Variants in FAF1 observed in about 807,000 individuals in gnomAD.
The protein encoded by FAF1 is Fas associated factor 1.
FAF1 carries 25 observed loss-of-function variants against 92.5 expected under a neutral mutation model. That is an observed-to-expected ratio of 0.27 (90% confidence interval 0.20 to 0.38). The LOEUF is 0.38. FAF1 is among the 10% of genes least tolerant of loss of function. The pLI is 1.00. For missense variants in FAF1, 636 were observed against 793.3 expected (o/e 0.80, Z 2.38); for synonymous variants, 234 against 273.2 (o/e 0.86, Z 1.42).
chr1:50,909,127 C>A (rs1012381069), intron 1 of FAF1, among the ~76,000 whole-genome samples: 3 of 152,156 alleles, frequency 2.0e-5, no homozygotes, highest in Non-Finnish European at 4.4e-5. Context: ...TTCTCCTACA[C>A]TTATGAAGCT....
At chr1:50,631,943 G>T (rs780501589) in intron 8 of FAF1, among the ~76,000 whole-genome samples, 1 of 152,134 alleles carries the variant, frequency 6.6e-6, no homozygotes, top group African/African-American at 2.4e-5. Context: ...TATTATTGTT[G>T]CAAATTTCTT....
chr1:50,692,090 C>A (rs1226004626), intron 7 of FAF1, among the ~76,000 whole-genome samples: 1 of 152,050 alleles, frequency 6.6e-6, no homozygotes, highest in Non-Finnish European at 1.5e-5. Context: ...GTGGCACGTA[C>A]CTGTAGTCCC....
At chr1:50,837,265 G>C (rs1467535046) in intron 2 of FAF1, among the ~76,000 whole-genome samples, 1 of 151,942 alleles carries the variant, frequency 6.6e-6, no homozygotes, top group Admixed American at 6.6e-5. Context: ...CATATGTTAT[G>C]TTTCTTGTTC....
intron 2 of FAF1, among the ~76,000 whole-genome samples, chr1:50,833,271 G>A (rs865979701): frequency 6.6e-6 from 1 of 151,834 alleles, no homozygotes; most frequent in Non-Finnish European, 1.5e-5. Flanking sequence ...CCCCTCCTGA[G>A]GTCTGATATT....
chr1:50,876,973 T>C (rs1644577140), intron 1 of FAF1, among the ~76,000 whole-genome samples: 1 of 152,234 alleles, frequency 6.6e-6, no homozygotes, highest in African/African-American at 2.4e-5. Context: ...TAGATATAAA[T>C]AAATGATTTA....
intron 1 of FAF1, among the ~76,000 whole-genome samples, chr1:50,923,299 C>T (rs1306516869): frequency 6.6e-6 from 1 of 151,852 alleles, no homozygotes; most frequent in Non-Finnish European, 1.5e-5. Context: ...GGGTGCAAAA[C>T]CTGTAGTCCT....
intron 15 of FAF1, among the ~76,000 whole-genome samples, chr1:50,496,579 C>T (rs1646901195): frequency 6.6e-6 from 1 of 152,110 alleles, no homozygotes; most frequent in South Asian, 2.1e-4. Flanking sequence ...TGGACTTAAG[C>T]AAGGTGAGGA....
At chr1:50,592,791 T>C (rs1651583232) in intron 9 of FAF1, among the ~76,000 whole-genome samples, 1 of 151,968 alleles carries the variant, frequency 6.6e-6, no homozygotes, top group Non-Finnish European at 1.5e-5. Flanking sequence ...CTACTCAAAA[T>C]GCCGGGCATG....
At chr1:50,872,894 C>T (rs1460199177) in intron 1 of FAF1, among the ~76,000 whole-genome samples, 1 of 147,714 alleles carries the variant, frequency 6.8e-6, no homozygotes, top group Non-Finnish European at 1.5e-5. Flanking sequence ...AGCGAAACTC[C>T]GTCTGGAAAA....
At chr1:50,861,815 C>A (rs1644435281) in intron 1 of FAF1, among the ~76,000 whole-genome samples, 1 of 151,722 alleles carries the variant, frequency 6.6e-6, no homozygotes, top group African/African-American at 2.4e-5. Context: ...AAAAAAATTT[C>A]TGTCTCCCTC....
chr1:50,456,087 A>T lies in FAF1; in HGVS notation c.1870-14564T>A, dbSNP rs568530002. ...GAGACCCTGCTTTAAACAAAAAAAA[A>T]TTTTTTTTTTTTAGAGATGAGATTT... On this transcript the variant is annotated intron_variant, in intron 18 of 18. Transcript: ENST00000396153. Among the ~76,000 whole-genome samples, 52 of 147,386 alleles carry T rather than the reference A, an allele frequency of 3.5e-4. 1 individual carries two copies. The highest frequency in any genetic ancestry group is 8.9e-4 in the African/African-American group (36 of 40,344).
chr1:50,773,196 C>G (rs1660832702), intron 4 of FAF1, among the ~76,000 whole-genome samples: 1 of 152,142 alleles, frequency 6.6e-6, no homozygotes, highest in South Asian at 2.1e-4. Flanking sequence ...ATTGTTTGAG[C>G]CTAGGAGTTT....
intron 2 of FAF1, chr1:50,846,682 C>A: frequency 1.7e-6 from 1 of 572,108 alleles, no homozygotes; most frequent in Non-Finnish European, 3.4e-6. Flanking sequence ...ATGCACCAAC[C>A]ACAACTGTTG....
At chr1:50,714,079 A>G (rs539822135) in intron 6 of FAF1, among the ~76,000 whole-genome samples, 1 of 152,096 alleles carries the variant, frequency 6.6e-6, no homozygotes, top group East Asian at 1.9e-4. Context: ...CCTGATATAC[A>G]AACTTTTTAA....
At chr1:50,547,751 A>G (rs540888902) in intron 13 of FAF1, among the ~76,000 whole-genome samples, 1 of 152,302 alleles carries the variant, frequency 6.6e-6, no homozygotes, top group South Asian at 2.1e-4. Context: ...CCTTGTTGCC[A>G]TCTAGAAATA....
chr1:50,856,189 C>A (rs553940930), intron 2 of FAF1, among the ~76,000 whole-genome samples: 1 of 151,890 alleles, frequency 6.6e-6, no homozygotes, highest in East Asian at 1.9e-4. Flanking sequence ...CCCACCATCA[C>A]CCTTTCCTCT....
At chr1:50,471,470 G>A (rs1414143397) in intron 18 of FAF1, among the ~76,000 whole-genome samples, 2 of 152,188 alleles carry the variant, frequency 1.3e-5, no homozygotes, top group Non-Finnish European at 1.5e-5. Context: ...GTTCCTTTAA[G>A]TCTTAGAGGG....
chr1:50,565,896 GTC>G (rs1188647665), intron 13 of FAF1, among the ~76,000 whole-genome samples: 6 of 152,076 alleles, frequency 3.9e-5, no homozygotes, highest in Non-Finnish European at 8.8e-5. Flanking sequence ...CAAGTCTCCA[GTC>G]TCTGTATTTT....
rs543452547 is a variant in FAF1 at position 50,909,126 on chromosome 1, A to G, written c.45+50641T>C. On this transcript the variant is annotated intron_variant, in intron 1 of 18. Coordinates refer to ENST00000396153, the MANE Select transcript of FAF1 (RefSeq NM_007051.3). ...CTGTAAGGGATTTTATTTCTCCTAC[A>G]CTTATGAAGCTTAGTTTGGCTGGAT... Among the ~76,000 whole-genome samples the G allele has an allele frequency of 4.6e-5, 7 of 152,272 alleles. No individual in the cohort carries two copies. In the East Asian group the frequency reaches 1.4e-3, roughly 29 times the overall value.
Sources: allele counts gnomAD v4.1 joint callset (sites outside exome capture counted in the v4.1 genomes callset), GRCh38; gene constraint gnomAD v4.1.1; transcripts MANE v1.5; gene names NCBI Gene and HGNC (gene_info 2026-07-23, HGNC 2026-07-21).